DIAPH2: variants seen among roughly 807,000 people sequenced by gnomAD.
DIAPH2 encodes protein diaphanous homolog 2.
DIAPH2 carries 35 observed loss-of-function variants against 92.7 expected under a neutral mutation model. That is an observed-to-expected ratio of 0.38 (90% CI 0.29 to 0.50). The LOEUF (loss-of-function observed/expected upper bound fraction) is 0.50. Ranked by LOEUF, DIAPH2 falls within the 20% of genes least tolerant of loss-of-function variation. The pLI, the probability that DIAPH2 is intolerant of heterozygous loss-of-function variation, is 0.94. For synonymous variants in DIAPH2, 301 were observed against 280.4 expected (o/e 1.07, Z -0.73); for missense variants, 701 against 819.5 (o/e 0.86, Z 1.77).
At chrX:97,509,650 C>A (rs764609377) in intron 26 of DIAPH2, among the ~76,000 whole-genome samples, 1 of 105,191 alleles carries the variant, frequency 9.5e-6, no homozygotes, top group Non-Finnish European at 1.9e-5. Context: ...TAATGCTATC[C>A]CTCCCCACTC....
intron 17 of DIAPH2, among the ~76,000 whole-genome samples, chrX:96,974,729 G>A (rs986394019): frequency 9.0e-6 from 1 of 110,775 alleles, no homozygotes; most frequent in African/African-American, 3.3e-5. Context: ...TGATATTTGG[G>A]GGCATAGAAT....
chrX:97,266,727 C>T (rs1289979499), intron 23 of DIAPH2, among the ~76,000 whole-genome samples: 1 of 111,823 alleles, frequency 8.9e-6, no homozygotes, highest in Non-Finnish European at 1.9e-5. Context: ...AAGTATAAAA[C>T]AAGAAATATG....
chrX:96,707,086 G>A (rs1442268898), intron 1 of DIAPH2, among the ~76,000 whole-genome samples: 1 of 109,836 alleles, frequency 9.1e-6, no homozygotes, highest in East Asian at 3.0e-4. Context: ...ATCACTTGAG[G>A]TCAGGGGTTT....
intron 25 of DIAPH2, among the ~76,000 whole-genome samples, chrX:97,409,410 A>G (rs1454715938): frequency 9.0e-6 from 1 of 111,561 alleles, no homozygotes; most frequent in East Asian, 2.8e-4. Context: ...CCATTCCAAG[A>G]TGGCCAAATA....
chrX:97,601,148 T>C lies in DIAPH2; in HGVS notation c.*1831T>C, dbSNP rs758183541. On this transcript the variant is annotated 3_prime_UTR_variant, in exon 27 of 27. Coordinates refer to ENST00000324765, the MANE Select transcript of DIAPH2 (RefSeq NM_006729.5). ...TGTAAATACCTAGTATGTGTATTTTTGACTTTACAAAGTCTTTCTTTTCTG... is the reference window on the plus strand; with the variant it reads ...TGTAAATACCTAGTATGTGTATTTTCGACTTTACAAAGTCTTTCTTTTCTG... 1 of 112,039 alleles carries C rather than the reference T, an allele frequency of 8.9e-6. No individual in the cohort carries two copies. Among genetic ancestry groups the C allele is most frequent in the African/African-American group, 3.3e-5 (1 of 30,501 alleles). 9.2% of individuals were successfully genotyped at this position (112,039 alleles called of 1,213,427 possible).
intron 4 of DIAPH2, among the ~76,000 whole-genome samples, chrX:96,810,687 A>T (rs1221186095): frequency 9.0e-6 from 1 of 111,437 alleles, no homozygotes; most frequent in Non-Finnish European, 1.9e-5. Context: ...TCTTGAATTA[A>T]TTTTTGTATA....
intron 16 of DIAPH2, among the ~76,000 whole-genome samples, chrX:96,962,278 TATATATAC>T (rs1282975939): frequency 1.0e-4 from 8 of 77,630 alleles, no homozygotes; most frequent in Non-Finnish European, 1.7e-4. Context: ...TATATACATA[TATATATAC>T]ATATATATAT....
chrX:96,757,523 T>C (rs2064239182), intron 3 of DIAPH2, among the ~76,000 whole-genome samples: 3 of 112,514 alleles, frequency 2.7e-5, no homozygotes, highest in Admixed American at 9.4e-5. Flanking sequence ...GTTATAAGTG[T>C]ATATATCACA....
intron 26 of DIAPH2, among the ~76,000 whole-genome samples, chrX:97,535,701 C>T (rs758122481): frequency 8.9e-5 from 10 of 112,127 alleles, no homozygotes; most frequent in Non-Finnish European, 1.9e-4. Context: ...CCACCTGCCT[C>T]CGCCTCCCAA....
chrX:97,541,751 T>C (rs1458062999), intron 26 of DIAPH2, among the ~76,000 whole-genome samples: 2 of 112,254 alleles, frequency 1.8e-5, no homozygotes, highest in East Asian at 2.8e-4. Flanking sequence ...TCATACCCCA[T>C]GGCAGTCTGA....
intron 23 of DIAPH2, 38 bp from the exon 24 acceptor site, chrX:97,348,078 A>G: frequency 5.0e-6 from 6 of 1,188,867 alleles, no homozygotes; most frequent in Non-Finnish European, 6.8e-6. Context: ...TTGCCTTTAA[A>G]AGGTACTGTT....
chrX:96,965,589 A>G (rs1350685067), intron 17 of DIAPH2, among the ~76,000 whole-genome samples: 1 of 111,507 alleles, frequency 9.0e-6, no homozygotes. Flanking sequence ...CATGAAATTG[A>G]AATAAGATTG....
intron 23 of DIAPH2, among the ~76,000 whole-genome samples, chrX:97,314,634 C>T (rs2068825813): frequency 2.7e-5 from 3 of 111,695 alleles, no homozygotes; most frequent in African/African-American, 9.7e-5. Context: ...ATCTTTTTGC[C>T]TGACTAGTGT....
At chrX:96,931,571 G>T (rs776568925) in intron 10 of DIAPH2, among the ~76,000 whole-genome samples, 2 of 109,508 alleles carry the variant, frequency 1.8e-5, no homozygotes, top group Non-Finnish European at 3.8e-5. Flanking sequence ...GAGACAAGAA[G>T]TAAAAGTAAG....
intron 1 of DIAPH2, among the ~76,000 whole-genome samples, chrX:96,702,055 C>A (rs2063858311): frequency 8.9e-6 from 1 of 112,018 alleles, no homozygotes; most frequent in African/African-American, 3.2e-5. Flanking sequence ...TAGAAATGAG[C>A]TGTAATTTTC....
At chrX:96,742,629 T>C (rs1048925096) in intron 3 of DIAPH2, among the ~76,000 whole-genome samples, 14 of 111,401 alleles carry the variant, frequency 1.3e-4, no homozygotes, top group African/African-American at 4.6e-4. Context: ...TTTTATTTTA[T>C]TGTAGCTCTA....
intron 26 of DIAPH2, among the ~76,000 whole-genome samples, chrX:97,552,909 G>A (rs145307296): frequency 0.013 from 1,465 of 111,415 alleles, 24 homozygotes; most frequent in African/African-American, 0.046. Context: ...GGTTTCTTCT[G>A]AGCCCTCTGT....
At chrX:96,962,331 A>G (rs1407503823) in intron 16 of DIAPH2, among the ~76,000 whole-genome samples, 4 of 47,152 alleles carry the variant, frequency 8.5e-5, no homozygotes, top group African/African-American at 2.5e-4. Flanking sequence ...ATACACATAT[A>G]TATATACATA....
intron 23 of DIAPH2, among the ~76,000 whole-genome samples, chrX:97,270,986 G>T (rs976148006): frequency 2.7e-5 from 3 of 110,908 alleles, no homozygotes; most frequent in Non-Finnish European, 5.7e-5. Flanking sequence ...CACCAGATTC[G>T]CATGTACAAA....
Sources: gnomAD v4.1 joint callset for allele counts (sites outside exome capture counted in the v4.1 genomes callset) on GRCh38, gnomAD v4.1.1 for gene constraint, MANE v1.5 for transcripts, NCBI Gene and HGNC (gene_info 2026-07-23, HGNC 2026-07-21) for gene names.